Variants in CFTR observed in about 807,000 individuals in gnomAD.
CFTR encodes cystic fibrosis transmembrane conductance regulator.
A neutral mutation model predicts 171.6 loss-of-function variants in CFTR; 181 were observed. That is an observed-to-expected ratio of 1.05 (90% confidence interval 0.93 to 1.19). The LOEUF (loss-of-function observed/expected upper bound fraction) is 1.19. Ranked by LOEUF, CFTR falls within the 50% of genes most tolerant of loss-of-function variation. The probability of loss-of-function intolerance (pLI) is 0.00; values close to 1 mark genes in which losing one functional copy is unlikely to be tolerated. For synonymous variants in CFTR, 583 were observed against 608.0 expected (o/e 0.96, Z 0.60); for missense variants, 1,968 against 1,734.7 (o/e 1.13, Z -2.39).
intron 3 of CFTR, among the ~76,000 whole-genome samples, chr7:117,516,437 G>A (rs906424861): frequency 2.0e-5 from 3 of 151,952 alleles, no homozygotes; most frequent in Non-Finnish European, 4.4e-5. Context: ...ATAAGATAGG[G>A]CCTAGATAAA....
intron 1 of CFTR, among the ~76,000 whole-genome samples, chr7:117,503,459 T>C (rs1292918602): frequency 6.6e-6 from 1 of 152,250 alleles, no homozygotes; most frequent in East Asian, 1.9e-4. Context: ...CCTCCTCTTC[T>C]ACTTTCTTCT....
intron 15 of CFTR, 77 bp downstream of exon 15, chr7:117,595,135 G>T: frequency 8.7e-7 from 1 of 1,147,116 alleles, no homozygotes; most frequent in East Asian, 2.4e-5. Flanking sequence ...ACATATATAT[G>T]CACACACATA....
chr7:117,509,102 T>A lies in CFTR; in HGVS notation c.233T>A (p.Phe78Tyr), dbSNP rs751305135. ...KLINALRRCF[F>Y]WRFMFYGIFL... ...ATTAATGCCCTTCGGCGATGTTTTTTCTGGAGATTTATGTTCTATGGAATC... is the reference window on the plus strand; with the variant it reads ...ATTAATGCCCTTCGGCGATGTTTTTACTGGAGATTTATGTTCTATGGAATC... Residue 78 changes from phenylalanine to tyrosine, a missense_variant, in exon 3 of 27, where the codon TTC (phenylalanine) becomes TAC (tyrosine). Physicochemically the swap from Phe to Tyr is conservative, Grantham distance 22. Transcript: ENST00000003084. 8 of 1,611,634 alleles carry A rather than the reference T, an allele frequency of 5.0e-6. No individual in the cohort carries two copies. In the South Asian group the frequency reaches 8.8e-5, roughly 18 times the overall value.
At chr7:117,592,742 A>T in intron 14 of CFTR, 85 bp downstream of exon 14, 2 of 1,200,398 alleles carry the variant, frequency 1.7e-6, no homozygotes, top group Admixed American at 5.6e-5. Context: ...AAAATTTACT[A>T]AAATCATAGG....
chr7:117,629,298 A>C (rs1792701920), intron 22 of CFTR, among the ~76,000 whole-genome samples: 1 of 152,216 alleles, frequency 6.6e-6, no homozygotes, highest in African/African-American at 2.4e-5. Flanking sequence ...CAAAAGACAA[A>C]ATGACAACAA....
chr7:117,613,997 A>ATGTT (rs1468130932), intron 20 of CFTR, among the ~76,000 whole-genome samples: 13 of 132,028 alleles, frequency 9.8e-5, no homozygotes, highest in African/African-American at 3.3e-4. Context: ...AGGTACAGTA[A>ATGTT]TCTTTTTTTT....
chr7:117,610,826 C>T (rs562785544), intron 19 of CFTR, among the ~76,000 whole-genome samples, 157 bp downstream of exon 19: 2 of 152,180 alleles, frequency 1.3e-5, no homozygotes, highest in African/African-American at 4.8e-5. Flanking sequence ...TAAAAGGAAA[C>T]TATATTACAA....
At chr7:117,486,952 T>G (rs2116613086) in intron 1 of CFTR, among the ~76,000 whole-genome samples, 1 of 151,044 alleles carries the variant, frequency 6.6e-6, no homozygotes, top group African/African-American at 2.4e-5. Flanking sequence ...AATCAACTGG[T>G]TTGGTAATCA....
chr7:117,553,676 C>T (rs1313896470), intron 10 of CFTR, among the ~76,000 whole-genome samples: 1 of 152,130 alleles, frequency 6.6e-6, no homozygotes. Context: ...ATCATTTCAA[C>T]TTATACACAG....
chr7:117,487,254 AATAT>A (rs1317644526), intron 1 of CFTR, among the ~76,000 whole-genome samples: 4 of 152,120 alleles, frequency 2.6e-5, no homozygotes, highest in Admixed American at 2.0e-4. Context: ...CAGTTTTATA[AATAT>A]GTAGAGTGCC....
intron 1 of CFTR, among the ~76,000 whole-genome samples, chr7:117,501,243 C>G (rs191592970): frequency 6.6e-6 from 1 of 152,208 alleles, no homozygotes; most frequent in Admixed American, 6.5e-5. Flanking sequence ...AGGTTCTTTT[C>G]TTTCCATCCA....
intron 7 of CFTR, among the ~76,000 whole-genome samples, chr7:117,538,318 C>A (rs1229644819): frequency 6.6e-6 from 1 of 152,172 alleles, no homozygotes; most frequent in Non-Finnish European, 1.5e-5. Flanking sequence ...TCTTTTATTG[C>A]TCTTTAGTAA....
At chr7:117,492,898 G>A (rs903968108) in intron 1 of CFTR, among the ~76,000 whole-genome samples, 5 of 151,956 alleles carry the variant, frequency 3.3e-5, no homozygotes, top group Non-Finnish European at 7.4e-5. Context: ...TAGAGGTTAG[G>A]TTTTATTTTA....
chr7:117,544,846 A>G (rs1024730710), intron 9 of CFTR, among the ~76,000 whole-genome samples: 6 of 152,312 alleles, frequency 3.9e-5, no homozygotes, highest in Non-Finnish European at 8.8e-5. Context: ...TCACCAATCT[A>G]TTAAAACTGT....
chr7:117,608,340 G>A (rs1194104743), intron 18 of CFTR, among the ~76,000 whole-genome samples: 1 of 152,130 alleles, frequency 6.6e-6, no homozygotes, highest in Non-Finnish European at 1.5e-5. Context: ...GAGTAGCTGG[G>A]ATTACAGGCG....
intron 3 of CFTR, among the ~76,000 whole-genome samples, chr7:117,526,176 T>G (rs1445170495): frequency 2.6e-5 from 4 of 151,956 alleles, no homozygotes; most frequent in Non-Finnish European, 1.5e-5. Flanking sequence ...CAGACCACAG[T>G]GCAATCAAAC....
intron 22 of CFTR, among the ~76,000 whole-genome samples, chr7:117,631,382 C>A (rs1792742635): frequency 6.6e-6 from 1 of 152,016 alleles, no homozygotes; most frequent in African/African-American, 2.4e-5. Context: ...TCAACCATAC[C>A]CCAGTTTCTA....
chr7:117,534,076 G>A (rs888988682), intron 4 of CFTR, among the ~76,000 whole-genome samples, 200 bp from the exon 5 acceptor site: 3 of 152,032 alleles, frequency 2.0e-5, no homozygotes, highest in Non-Finnish European at 1.5e-5. Context: ...ACAACTAGAA[G>A]CATGCCAGTA....
At chr7:117,643,887 T>C (rs528757411) in intron 23 of CFTR, among the ~76,000 whole-genome samples, 1 of 152,304 alleles carries the variant, frequency 6.6e-6, no homozygotes, top group African/African-American at 2.4e-5. Flanking sequence ...AAAATTAATT[T>C]CAGTTTCACT....
Sources: allele counts gnomAD v4.1 joint callset (sites outside exome capture counted in the v4.1 genomes callset), GRCh38; gene constraint gnomAD v4.1.1; transcripts MANE v1.5; gene names NCBI Gene and HGNC (gene_info 2026-07-23, HGNC 2026-07-21).